Variants in PITPNC1 observed in about 807,000 individuals in gnomAD.
The protein encoded by PITPNC1 is phosphatidylinositol transfer protein cytoplasmic 1.
PITPNC1 carries 18 observed loss-of-function variants against 44.7 expected under a neutral mutation model. The observed-to-expected ratio is 0.40, with a 90% CI of 0.28 to 0.60. The LOEUF is 0.60. Among genes scored for constraint, PITPNC1 ranks in the 20% least tolerant of loss-of-function variants. The probability of loss-of-function intolerance (pLI) is 0.39; values close to 1 mark genes in which losing one functional copy is unlikely to be tolerated. For synonymous variants in PITPNC1, 141 were observed against 149.6 expected (o/e 0.94, Z 0.42); for missense variants, 290 against 418.4 (o/e 0.69, Z 2.68).
At chr17:67,492,467 C>G (rs1568012127) in intron 1 of PITPNC1, among the ~76,000 whole-genome samples, 1 of 152,158 alleles carries the variant, frequency 6.6e-6, no homozygotes, top group African/African-American at 2.4e-5. Context: ...GGGTGGTCCC[C>G]TCGTGCCTTT....
intron 4 of PITPNC1, among the ~76,000 whole-genome samples, chr17:67,562,775 C>T (rs957279797): frequency 3.3e-5 from 5 of 152,108 alleles, no homozygotes; most frequent in African/African-American, 9.7e-5. Context: ...CAGACATTTA[C>T]CTTTTTGAAA....
intron 1 of PITPNC1, among the ~76,000 whole-genome samples, chr17:67,460,378 G>A (rs1407034233): frequency 1.3e-5 from 2 of 151,892 alleles, no homozygotes; most frequent in Admixed American, 6.6e-5. Context: ...GGATTCTTTC[G>A]TGGATGGCAT....
chr17:67,549,028 G>A (rs1463935606), intron 2 of PITPNC1, among the ~76,000 whole-genome samples: 2 of 152,172 alleles, frequency 1.3e-5, no homozygotes, highest in Non-Finnish European at 1.5e-5. Context: ...TGTGCTGTGA[G>A]GAAATCGGGG....
At chr17:67,579,960 A>G (rs888556864) in intron 5 of PITPNC1, among the ~76,000 whole-genome samples, 2 of 152,110 alleles carry the variant, frequency 1.3e-5, no homozygotes, top group Admixed American at 6.5e-5. Context: ...AAGTTAATAC[A>G]TGGCTATTCA....
chr17:67,548,517 G>A (rs2144158108), intron 2 of PITPNC1, among the ~76,000 whole-genome samples: 1 of 152,280 alleles, frequency 6.6e-6, no homozygotes, highest in East Asian at 1.9e-4. Context: ...CTTGGACCTG[G>A]GAGATGGAGG....
chr17:67,500,647 A>C (rs930447405), intron 1 of PITPNC1, among the ~76,000 whole-genome samples: 5 of 95,020 alleles, frequency 5.3e-5, no homozygotes, highest in African/African-American at 1.8e-4. Context: ...ATTATATCTC[A>C]ATTTTTTTTT....
Position 67,477,534 on chromosome 17 carries a change from C to T in PITPNC1, c.49-55268C>T, listed in dbSNP as rs550729101. Among the ~76,000 whole-genome samples, 11 of 151,996 alleles carry T rather than the reference C, an allele frequency of 7.2e-5. No homozygotes were observed. The South Asian group carries it at 1.5e-3, about 20-fold the overall frequency. ...TGCTGGGATTACAGACGTGAGCCAC[C>T]GTGTCCAGCCTGCCCAGCTCATTTT... On this transcript the variant is annotated intron_variant, in intron 1 of 8. Coordinates refer to ENST00000581322, the MANE Select transcript of PITPNC1 (RefSeq NM_012417.4).
At chr17:67,475,182 G>A (rs556729265) in intron 1 of PITPNC1, among the ~76,000 whole-genome samples, 27 of 152,294 alleles carry the variant, frequency 1.8e-4, no homozygotes, top group South Asian at 8.3e-4. Context: ...TCTGAAAAGC[G>A]TTGCCGTGGT....
chr17:67,669,454 A>C, intron 6 of PITPNC1, 54 bp from the exon 7 acceptor site: 1 of 1,256,964 alleles, frequency 8.0e-7, no homozygotes, highest in South Asian at 1.4e-5. Flanking sequence ...CTGACATTTA[A>C]TAATGATGGT....
chr17:67,436,908 G>GTTTTTTTTTTTTTT (rs1044625193), intron 1 of PITPNC1, among the ~76,000 whole-genome samples: 1 of 68,418 alleles, frequency 1.5e-5, no homozygotes, highest in Non-Finnish European at 2.8e-5. Flanking sequence ...AAATAGGGGT[G>GTTTTTTTTTTTTTT]TTTTTTTTTT....
At chr17:67,560,641 C>T (rs891696570) in intron 4 of PITPNC1, among the ~76,000 whole-genome samples, 1 of 152,244 alleles carries the variant, frequency 6.6e-6, no homozygotes, top group Non-Finnish European at 1.5e-5. Flanking sequence ...GCCTCTACAT[C>T]TCAGCACCCC....
chr17:67,675,046 A>C (rs2042578944), intron 7 of PITPNC1, among the ~76,000 whole-genome samples: 1 of 151,996 alleles, frequency 6.6e-6, no homozygotes, highest in Non-Finnish European at 1.5e-5. Flanking sequence ...GCTGCCTAGA[A>C]AAGTGTTCTA....
chr17:67,682,541 T>G (rs2042730333), intron 8 of PITPNC1, among the ~76,000 whole-genome samples: 1 of 151,792 alleles, frequency 6.6e-6, no homozygotes, highest in Non-Finnish European at 1.5e-5. Context: ...AGAAATGGCC[T>G]CTCCAGAGGG....
chr17:67,542,017 C>T (rs1202614119), intron 2 of PITPNC1, among the ~76,000 whole-genome samples: 1 of 152,134 alleles, frequency 6.6e-6, no homozygotes, highest in Non-Finnish European at 1.5e-5. Context: ...ATCTAATAGG[C>T]GGTTGAACAT....
chr17:67,637,348 A>G (rs2042045053), intron 6 of PITPNC1, among the ~76,000 whole-genome samples: 1 of 151,894 alleles, frequency 6.6e-6, no homozygotes, highest in African/African-American at 2.4e-5. Context: ...CCATCTTTGT[A>G]AGTTGACGAT....
At chr17:67,604,191 A>G (rs2570038) in intron 5 of PITPNC1, among the ~76,000 whole-genome samples, 56,883 of 152,118 alleles carry the variant, frequency 0.37, 12,031 homozygotes, top group African/African-American at 0.58. Context: ...ATGTAATGCC[A>G]TATAATGGGT....
At chr17:67,647,476 T>G (rs1347698738) in intron 6 of PITPNC1, among the ~76,000 whole-genome samples, 25 of 111,814 alleles carry the variant, frequency 2.2e-4, no homozygotes, top group Admixed American at 6.8e-4. Context: ...TTTTTTTTTT[T>G]TTTTTTTTTT....
intron 8 of PITPNC1, among the ~76,000 whole-genome samples, chr17:67,683,150 G>A (rs536519158): frequency 2.0e-5 from 2 of 99,650 alleles, no homozygotes; most frequent in South Asian, 3.4e-4. Context: ...TGACAAGAGC[G>A]AAACTGAGTC....
Position 67,530,215 on chromosome 17 carries a change from C to A in PITPNC1, c.49-2587C>A, listed in dbSNP as rs2040443717. ...CACGCCATTCTCCTGCCTCAGACTT[C>A]CAAGTAGCTGGACCACAGGCACCCG... On this transcript the variant is annotated intron_variant, in intron 1 of 8. Coordinates refer to ENST00000581322, the MANE Select transcript of PITPNC1 (RefSeq NM_012417.4). Among the ~76,000 whole-genome samples the A allele has an allele frequency of 2.0e-5, 3 of 148,800 alleles. No homozygotes were observed. In the South Asian group the frequency reaches 6.5e-4, roughly 32 times the overall value.
Sources: gnomAD v4.1 joint callset for allele counts (sites outside exome capture counted in the v4.1 genomes callset) on GRCh38, gnomAD v4.1.1 for gene constraint, MANE v1.5 for transcripts, NCBI Gene and HGNC (gene_info 2026-07-23, HGNC 2026-07-21) for gene names.